Variants in TMTC2 observed in about 807,000 individuals in gnomAD.
TMTC2 encodes the protein protein O-mannosyl-transferase TMTC2.
Under a neutral mutation model 82.4 loss-of-function variants are expected in TMTC2, and 43 were observed. That is an observed-to-expected ratio of 0.52 (90% CI 0.41 to 0.67). TMTC2 has a LOEUF of 0.67. Among genes scored for constraint, TMTC2 ranks in the 30% least tolerant of loss-of-function variants. TMTC2 has a pLI of 0.00. For missense variants in TMTC2, 919 were observed against 1,012.4 expected (o/e 0.91, Z 1.25); for synonymous variants, 408 against 381.9 (o/e 1.07, Z -0.80).
At chr12:82,733,835 T>C (rs911912560) in intron 1 of TMTC2, among the ~76,000 whole-genome samples, 4 of 152,196 alleles carry the variant, frequency 2.6e-5, no homozygotes, top group Non-Finnish European at 5.9e-5. Flanking sequence ...CCAGTAAATA[T>C]CATATATTTA....
At chr12:83,073,973 T>C (rs1302165160) in intron 11 of TMTC2, among the ~76,000 whole-genome samples, 1 of 152,192 alleles carries the variant, frequency 6.6e-6, no homozygotes, top group Non-Finnish European at 1.5e-5. Context: ...GGATTCTTTT[T>C]CAGGTAAATC....
Position 83,004,722 on chromosome 12 carries a change from A to ATTTTT in TMTC2, c.2070+18717_2070+18721dup, listed in dbSNP as rs528076999. Among the ~76,000 whole-genome samples, 159 of 36,028 alleles carry ATTTTT rather than the reference A, an allele frequency of 4.4e-3. 37 individuals are homozygous for ATTTTT. The highest frequency in any genetic ancestry group is 7.2e-3 in the Admixed American group (16 of 2,212). 23.6% of individuals were successfully genotyped at this position (36,028 alleles called of 152,430 possible). ...TTCACAGGCAGTGTATACTGGCCGA[A>ATTTTT]TTTTTTTTTTTTTTTTTTTTTTTTT... On this transcript the variant is annotated intron_variant, in intron 8 of 11. Coordinates refer to ENST00000321196, the MANE Select transcript of TMTC2 (RefSeq NM_152588.3).
chr12:82,709,205 T>A (rs1873515068), intron 1 of TMTC2, among the ~76,000 whole-genome samples: 1 of 152,156 alleles, frequency 6.6e-6, no homozygotes, highest in African/African-American at 2.4e-5. Flanking sequence ...GTGGTTGTCC[T>A]CAGGTAGGAA....
At chr12:82,708,051 G>GT (rs1270045096) in intron 1 of TMTC2, among the ~76,000 whole-genome samples, 1 of 152,070 alleles carries the variant, frequency 6.6e-6, no homozygotes, top group Non-Finnish European at 1.5e-5. Context: ...CCTGCAGTCT[G>GT]TTTTTTTAAA....
chr12:82,696,005 A>G (rs1030975178), intron 1 of TMTC2, among the ~76,000 whole-genome samples: 7 of 152,194 alleles, frequency 4.6e-5, no homozygotes, highest in Non-Finnish European at 1.0e-4. Flanking sequence ...GTTGGGTTCA[A>G]ATGTTTTTTC....
At chr12:82,869,134 G>A (rs1198626705) in intron 2 of TMTC2, among the ~76,000 whole-genome samples, 1 of 152,050 alleles carries the variant, frequency 6.6e-6, no homozygotes, top group Non-Finnish European at 1.5e-5. Context: ...GGGGCGAGTG[G>A]CAGGGGTGAC....
At chr12:82,846,090 G>C (rs1395218638) in intron 1 of TMTC2, among the ~76,000 whole-genome samples, 1 of 151,946 alleles carries the variant, frequency 6.6e-6, no homozygotes, top group African/African-American at 2.4e-5. Flanking sequence ...CCAGTGCCAT[G>C]GCTCACGCCT....
At chr12:83,124,733 G>A (rs1885054440) in intron 11 of TMTC2, among the ~76,000 whole-genome samples, 2 of 152,096 alleles carry the variant, frequency 1.3e-5, no homozygotes, top group South Asian at 4.1e-4. Flanking sequence ...TGGATGTCAG[G>A]TAAAAATGGG....
rs542477117 is a variant in TMTC2 at position 83,084,399 on chromosome 12, C to T, written c.2331+22568C>T. ...ATAACTTACATAATAAAGGTAGAAG[C>T]TTTTTATTTCCCTCAGTTTTTATTA... On this transcript the variant is annotated intron_variant, in intron 11 of 11. Coordinates refer to ENST00000321196, the MANE Select transcript of TMTC2 (RefSeq NM_152588.3). Among the ~76,000 whole-genome samples, 5 of 152,132 alleles carry T rather than the reference C, an allele frequency of 3.3e-5. No individual in the cohort carries two copies. The South Asian group carries it at 1.0e-3, about 31-fold the overall frequency.
chr12:83,013,802 C>T (rs1880559406), intron 8 of TMTC2, among the ~76,000 whole-genome samples: 1 of 152,186 alleles, frequency 6.6e-6, no homozygotes, highest in South Asian at 2.1e-4. Context: ...CAGCTTGAGC[C>T]CTGCTGAGTA....
At chr12:83,117,897 T>G (rs1270848288) in intron 11 of TMTC2, among the ~76,000 whole-genome samples, 2 of 65,882 alleles carry the variant, frequency 3.0e-5, no homozygotes, top group African/African-American at 1.6e-4. Context: ...TCCTAAGTAT[T>G]TTATTTATTT....
At chr12:82,738,656 A>C (rs1222779020) in intron 1 of TMTC2, among the ~76,000 whole-genome samples, 1 of 152,226 alleles carries the variant, frequency 6.6e-6, no homozygotes, top group Non-Finnish European at 1.5e-5. Flanking sequence ...AAAACGTGAT[A>C]GTTAAAAATG....
chr12:82,919,170 G>A (rs1875227471), intron 3 of TMTC2, among the ~76,000 whole-genome samples: 1 of 152,190 alleles, frequency 6.6e-6, no homozygotes. Flanking sequence ...TGTAACAGAA[G>A]GCAAAAGAGA....
At chr12:83,068,802 C>G (rs891646886) in intron 11 of TMTC2, among the ~76,000 whole-genome samples, 1 of 151,760 alleles carries the variant, frequency 6.6e-6, no homozygotes, top group Non-Finnish European at 1.5e-5. Flanking sequence ...TTTGGTGAAC[C>G]CATCATCCGA....
chr12:82,999,980 C>T (rs1200765731), intron 8 of TMTC2, among the ~76,000 whole-genome samples: 1 of 152,214 alleles, frequency 6.6e-6, no homozygotes, highest in Non-Finnish European at 1.5e-5. Context: ...AGGCACGTCC[C>T]TTCCACCTAT....
chr12:82,985,949 A>G lies in TMTC2; in HGVS notation c.1973A>G (p.Lys658Arg), dbSNP rs746001101. 6.2e-7 allele frequency: 1 copy of G among 1,613,854 alleles called. No homozygotes were observed. The highest frequency in any genetic ancestry group is 8.5e-7 in the Non-Finnish European group (1 of 1,179,812). Residue 658 changes from lysine (K) to arginine (R), a missense_variant, in exon 8 of 12, where the codon AAA becomes AGA. Physicochemically the swap from Lys to Arg is conservative, Grantham distance 26 (BLOSUM62 2). Transcript: ENST00000321196. ...MMGEAYMRLS[K>R]LPEAEHWYME... ...GGTGAAGCATATATGCGTTTAAGCA[A>G]ACTCCCCGAAGCAGAGCATTGGTAT...
At chr12:82,960,770 G>A (rs1447965701) in intron 4 of TMTC2, among the ~76,000 whole-genome samples, 1 of 150,044 alleles carries the variant, frequency 6.7e-6, no homozygotes, top group South Asian at 2.1e-4. Context: ...ACCTGTACAT[G>A]AACCCCTTGA....
At chr12:82,852,533 T>A (rs1871036018) in intron 1 of TMTC2, among the ~76,000 whole-genome samples, 1 of 152,142 alleles carries the variant, frequency 6.6e-6, no homozygotes, top group Non-Finnish European at 1.5e-5. Flanking sequence ...GAGTGGAAAA[T>A]ATCCTGATTC....
At chr12:82,918,640 A>G (rs930902230) in intron 3 of TMTC2, among the ~76,000 whole-genome samples, 1 of 152,218 alleles carries the variant, frequency 6.6e-6, no homozygotes, top group African/African-American at 2.4e-5. Flanking sequence ...ACTTATGCAG[A>G]CCTGAATGTT....
Sources: gnomAD v4.1 joint callset for allele counts (sites outside exome capture counted in the v4.1 genomes callset) on GRCh38, gnomAD v4.1.1 for gene constraint, MANE v1.5 for transcripts, NCBI Gene and HGNC (gene_info 2026-07-23, HGNC 2026-07-21) for gene names.